Variants in FBXW4 observed in about 807,000 individuals in gnomAD.
FBXW4 encodes the protein F-box/WD repeat-containing protein 4.
Under a neutral mutation model 61.8 loss-of-function variants are expected in FBXW4, and 40 were observed. The ratio of observed to expected loss-of-function variants is 0.65; its 90% CI spans 0.50 to 0.84. The LOEUF (loss-of-function observed/expected upper bound fraction) is 0.84. Ranked by LOEUF, FBXW4 falls within the 40% of genes least tolerant of loss-of-function variation. FBXW4 has a pLI of 0.00. For missense variants in FBXW4, 672 were observed against 753.8 expected, an observed-to-expected ratio of 0.89 and a Z score of 1.27; for synonymous variants, 311 against 313.8, an observed-to-expected ratio of 0.99 and a Z score of 0.10.
chr10:101,630,359 A>C (rs549851824), intron 5 of FBXW4, among the ~76,000 whole-genome samples: 1 of 152,282 alleles, frequency 6.6e-6, no homozygotes. Flanking sequence ...TGAAACACTG[A>C]TATTATAGCA....
At chr10:101,680,070 C>T (rs1313946469) in intron 1 of FBXW4, among the ~76,000 whole-genome samples, 2 of 152,066 alleles carry the variant, frequency 1.3e-5, no homozygotes, top group African/African-American at 2.4e-5. Flanking sequence ...TTATTTCATT[C>T]CTTTTTATGG....
chr10:101,663,450 C>T (rs2064264738), intron 5 of FBXW4, among the ~76,000 whole-genome samples: 1 of 152,156 alleles, frequency 6.6e-6, no homozygotes, highest in Non-Finnish European at 1.5e-5. Flanking sequence ...CTGTATTCAG[C>T]TGGAAATAAT....
At chr10:101,692,746 CAAA>C (rs61631625) in intron 1 of FBXW4, among the ~76,000 whole-genome samples, 24 of 85,196 alleles carry the variant, frequency 2.8e-4, no homozygotes, top group African/African-American at 1.1e-3. Context: ...AACTCCGTCT[CAAA>C]AAAAAAAAAA....
chr10:101,639,934 G>T (rs774581928), intron 5 of FBXW4, among the ~76,000 whole-genome samples: 9 of 152,178 alleles, frequency 5.9e-5, no homozygotes, highest in Admixed American at 1.3e-4. Context: ...ATGTGAATTT[G>T]AATTTGGTTT....
intron 5 of FBXW4, among the ~76,000 whole-genome samples, chr10:101,638,753 CATG>C: frequency 6.6e-6 from 1 of 152,324 alleles, no homozygotes; most frequent in Middle Eastern, 3.4e-3. Context: ...GCACAAACCA[CATG>C]ATATCTTGGC....
chr10:101,676,554 G>A lies in FBXW4; in HGVS notation c.726-118C>T. On this transcript the variant is annotated intron_variant, in intron 1 of 8. Coordinates refer to ENST00000331272, the MANE Select transcript of FBXW4 (RefSeq NM_022039.4). ...TCCAGAATACAAGTAAAGAGATTAG[G>A]AGACCAGGAAGGAGTAACTGTTCTC... is the stretch of plus-strand genomic sequence containing the variant. 8.2e-6 allele frequency: 6 copies of A among 732,304 alleles called. No individual in the cohort carries two copies. The South Asian group carries it at 8.8e-5, about 11-fold the overall frequency. The allele number at this position is 732,304 out of a possible 1,614,324, so 45.4% of individuals were successfully genotyped here. A position where few individuals can be genotyped will look rare whatever the true frequency, so the allele number is the denominator to read the frequency against.
At chr10:101,636,397 G>GA (rs1213028024) in intron 5 of FBXW4, among the ~76,000 whole-genome samples, 219 of 111,494 alleles carry the variant, frequency 2.0e-3, no homozygotes, top group Admixed American at 3.1e-3. Context: ...CAAAACAACG[G>GA]AAAAAAAAAA....
chr10:101,675,955 T>C (rs1361242726), intron 2 of FBXW4, among the ~76,000 whole-genome samples: 1 of 152,186 alleles, frequency 6.6e-6, no homozygotes, highest in African/African-American at 2.4e-5. Flanking sequence ...AAGATTTAAA[T>C]AAAAATATTT....
chr10:101,692,233 G>A (rs1417462045), intron 1 of FBXW4, among the ~76,000 whole-genome samples: 1 of 151,630 alleles, frequency 6.6e-6, no homozygotes, highest in Non-Finnish European at 1.5e-5. Flanking sequence ...AACTGTATCA[G>A]TGACACACAA....
intron 4 of FBXW4, among the ~76,000 whole-genome samples, chr10:101,669,376 CA>C (rs1398022948): frequency 6.6e-6 from 1 of 152,170 alleles, no homozygotes; most frequent in Non-Finnish European, 1.5e-5. Context: ...TTCCCTGACA[CA>C]AACTCCCTGG....
At chr10:101,662,689 A>T (rs910369654) in intron 5 of FBXW4, among the ~76,000 whole-genome samples, 2 of 151,926 alleles carry the variant, frequency 1.3e-5, no homozygotes, top group Non-Finnish European at 2.9e-5. Context: ...TTTTTCTTGG[A>T]GGGCAATACA....
intron 6 of FBXW4, among the ~76,000 whole-genome samples, chr10:101,619,537 T>G (rs1351329602): frequency 2.0e-5 from 3 of 151,868 alleles, no homozygotes; most frequent in Non-Finnish European, 4.4e-5. Context: ...CAGGCACCTG[T>G]AGTCCCAGCT....
At chr10:101,659,312 C>A (rs2064220802) in intron 5 of FBXW4, 2 of 866,302 alleles carry the variant, frequency 2.3e-6, no homozygotes, top group Admixed American at 6.2e-5. Context: ...CCATCTTGAA[C>A]CCTGCAGATA....
intron 6 of FBXW4, among the ~76,000 whole-genome samples, chr10:101,623,807 G>T (rs2063886078): frequency 6.6e-6 from 1 of 152,132 alleles, no homozygotes; most frequent in Admixed American, 6.5e-5. Flanking sequence ...ATTATGCTGG[G>T]TTTTTAAAAA....
chr10:101,657,223 G>A (rs1371323894), intron 5 of FBXW4, among the ~76,000 whole-genome samples: 2 of 152,146 alleles, frequency 1.3e-5, no homozygotes, highest in African/African-American at 2.4e-5. Flanking sequence ...TGGAAATGAG[G>A]CAAGGGTCTT....
intron 5 of FBXW4, among the ~76,000 whole-genome samples, chr10:101,642,222 T>C (rs2064059359): frequency 6.6e-6 from 1 of 151,548 alleles, no homozygotes; most frequent in Non-Finnish European, 1.5e-5. Context: ...AGGATATATG[T>C]CTATGAATAT....
chr10:101,613,907 G>A (rs1007302622), intron 6 of FBXW4, among the ~76,000 whole-genome samples: 1 of 152,218 alleles, frequency 6.6e-6, no homozygotes, highest in Non-Finnish European at 1.5e-5. Context: ...CTGGGCCTGC[G>A]GGGAGAAGAT....
intron 2 of FBXW4, among the ~76,000 whole-genome samples, chr10:101,675,690 C>T (rs7904157): frequency 1 from 151,882 of 152,380 alleles, 75,695 homozygotes; most frequent in East Asian, 1. Context: ...TCCCTATCCA[C>T]TGCAACCAAT....
chr10:101,630,219 C>T (rs1344459551), intron 5 of FBXW4, among the ~76,000 whole-genome samples: 1 of 152,254 alleles, frequency 6.6e-6, no homozygotes, highest in Non-Finnish European at 1.5e-5. Flanking sequence ...CCGAGGAAGG[C>T]TTTTTATCTG....
Sources: allele counts gnomAD v4.1 joint callset (sites outside exome capture counted in the v4.1 genomes callset), GRCh38; gene constraint gnomAD v4.1.1; transcripts MANE v1.5; gene names NCBI Gene and HGNC (gene_info 2026-07-23, HGNC 2026-07-21).